The following TRIM9 variants were observed in gnomAD, a reference collection of about 807,000 sequenced individuals.
TRIM9 encodes E3 ubiquitin-protein ligase TRIM9.
TRIM9 carries 26 observed loss-of-function variants against 78.3 expected under a neutral mutation model. The ratio of observed to expected loss-of-function variants is 0.33; its 90% confidence interval spans 0.24 to 0.46. TRIM9 has a LOEUF of 0.46. Among genes scored for constraint, TRIM9 ranks in the 20% least tolerant of loss-of-function variants. TRIM9 has a pLI of 1.00. For missense variants in TRIM9, 787 were observed against 1,036.4 expected, an observed-to-expected ratio of 0.76 and a Z score of 3.30; for synonymous variants, 398 against 416.5, an observed-to-expected ratio of 0.96 and a Z score of 0.54.
chr14:51,082,633 G>T (rs1432919998), intron 1 of TRIM9, among the ~76,000 whole-genome samples: 3 of 152,296 alleles, frequency 2.0e-5, no homozygotes, highest in South Asian at 4.1e-4. Context: ...TGACTTAATA[G>T]TTGAGGTTTC....
intron 7 of TRIM9, among the ~76,000 whole-genome samples, chr14:50,992,286 T>C (rs1310353244): frequency 6.6e-6 from 1 of 152,106 alleles, no homozygotes; most frequent in Non-Finnish European, 1.5e-5. Flanking sequence ...CTATTAAATA[T>C]GAGCAAAGGA....
intron 1 of TRIM9, among the ~76,000 whole-genome samples, chr14:51,062,239 T>C (rs2061406940): frequency 1.3e-5 from 2 of 152,244 alleles, no homozygotes; most frequent in Admixed American, 6.5e-5. Context: ...ATATGCTTAC[T>C]ATATTTATTT....
At chr14:50,997,374 A>G (rs1319742980) in intron 7 of TRIM9, 1 of 985,318 alleles carries the variant, frequency 1.0e-6, no homozygotes, top group Non-Finnish European at 1.2e-6. Context: ...TCGGTAGCCT[A>G]GCCAAGACTG....
intron 1 of TRIM9, among the ~76,000 whole-genome samples, chr14:51,082,786 G>A (rs2063417586): frequency 6.6e-6 from 1 of 152,190 alleles, no homozygotes; most frequent in Non-Finnish European, 1.5e-5. Context: ...AAAAAAAAGT[G>A]ACTTGTTGTT....
chr14:51,011,311 T>C (rs2056552769), intron 3 of TRIM9, among the ~76,000 whole-genome samples: 1 of 152,190 alleles, frequency 6.6e-6, no homozygotes, highest in African/African-American at 2.4e-5. Context: ...TTCAGAGGCA[T>C]TTGTCATTTG....
intron 1 of TRIM9, among the ~76,000 whole-genome samples, chr14:51,061,310 G>A (rs1379536280): frequency 1.2e-4 from 18 of 151,946 alleles, no homozygotes; most frequent in Admixed American, 1.2e-3. Context: ...CTACTCAGGA[G>A]GCTGAGGCAG....
intron 7 of TRIM9, chr14:50,996,816 G>A: frequency 7.1e-6 from 7 of 985,462 alleles, no homozygotes; most frequent in Non-Finnish European, 8.4e-6. Context: ...GGTCATGTGG[G>A]CATTTTCCCT....
intron 7 of TRIM9, among the ~76,000 whole-genome samples, chr14:50,988,597 T>G (rs1321052774): frequency 6.6e-6 from 1 of 151,428 alleles, no homozygotes; most frequent in Non-Finnish European, 1.5e-5. Flanking sequence ...TTTTTGAGTT[T>G]TTTCCCCATC....
At chr14:50,985,734 G>A (rs527761559) in intron 8 of TRIM9, among the ~76,000 whole-genome samples, 1 of 152,266 alleles carries the variant, frequency 6.6e-6, no homozygotes, top group African/African-American at 2.4e-5. Context: ...TTCTAATGCC[G>A]TAATACATGG....
chr14:51,067,518 G>A (rs972043669), intron 1 of TRIM9, among the ~76,000 whole-genome samples: 3 of 152,130 alleles, frequency 2.0e-5, no homozygotes, highest in South Asian at 2.1e-4. Context: ...CAGGATGTAC[G>A]TAATTAGACC....
intron 1 of TRIM9, among the ~76,000 whole-genome samples, chr14:51,038,213 A>G (rs541919972): frequency 1.3e-5 from 2 of 152,350 alleles, no homozygotes; most frequent in African/African-American, 4.8e-5. Flanking sequence ...ATGTGATGAC[A>G]GAAGAAGGAT....
At chr14:51,053,307 G>A (rs972172045) in intron 1 of TRIM9, among the ~76,000 whole-genome samples, 26 of 151,776 alleles carry the variant, frequency 1.7e-4, no homozygotes, top group Non-Finnish European at 3.2e-4. Flanking sequence ...ATAATAAAAT[G>A]AGTTTTATTT....
At chr14:51,091,705 A>G (rs1039598799) in intron 1 of TRIM9, among the ~76,000 whole-genome samples, 2 of 152,184 alleles carry the variant, frequency 1.3e-5, no homozygotes, top group African/African-American at 2.4e-5. Context: ...TAATCCTCAT[A>G]TTGACTGAAC....
At chr14:51,092,490 G>C (rs898776410) in intron 1 of TRIM9, among the ~76,000 whole-genome samples, 1 of 152,178 alleles carries the variant, frequency 6.6e-6, no homozygotes, top group African/African-American at 2.4e-5. Context: ...TAGTCTCCAA[G>C]GAATTCTGGG....
chr14:51,069,781 A>G (rs1260288587), intron 1 of TRIM9, among the ~76,000 whole-genome samples: 1 of 152,114 alleles, frequency 6.6e-6, no homozygotes, highest in African/African-American at 2.4e-5. Context: ...AGTCTATGCC[A>G]TTTGCTGCCC....
At chr14:51,061,862 A>C (rs931239173) in intron 1 of TRIM9, among the ~76,000 whole-genome samples, 1 of 152,162 alleles carries the variant, frequency 6.6e-6, no homozygotes, top group African/African-American at 2.4e-5. Flanking sequence ...AAGCCATCAT[A>C]TCTTCAAATA....
At chr14:50,983,461 A>G in intron 8 of TRIM9, 40 bp from the exon 9 acceptor site, 1 of 1,490,674 alleles carries the variant, frequency 6.7e-7, no homozygotes, top group East Asian at 2.5e-5. Context: ...TGAAACAACA[A>G]CCAGGTTGAT....
At chr14:51,006,931 C>T (rs1019670161) in intron 5 of TRIM9, among the ~76,000 whole-genome samples, 1 of 152,198 alleles carries the variant, frequency 6.6e-6, no homozygotes, top group Non-Finnish European at 1.5e-5. Flanking sequence ...ATGCAGAGAG[C>T]ATGAACTCGC....
At chr14:50,982,792 T>C (rs931237220) in intron 10 of TRIM9, 150 bp downstream of exon 10, 2 of 691,128 alleles carry the variant, frequency 2.9e-6, no homozygotes, top group Admixed American at 5.3e-5. Flanking sequence ...TAGAATGATG[T>C]CTTTGTACGC....
Sources: gnomAD v4.1 joint callset for allele counts (sites outside exome capture counted in the v4.1 genomes callset) on GRCh38, gnomAD v4.1.1 for gene constraint, MANE v1.5 for transcripts, NCBI Gene and HGNC (gene_info 2026-07-23, HGNC 2026-07-21) for gene names.